The following POC1A variants were observed in gnomAD, a reference collection of about 807,000 sequenced individuals.
The protein encoded by POC1A is POC1 centriolar protein A.
In POC1A, 34 loss-of-function variants were observed where a neutral mutation model predicts 47.8. That is an observed-to-expected ratio of 0.71 (90% CI 0.54 to 0.95). The LOEUF (loss-of-function observed/expected upper bound fraction) is 0.95. Among genes scored for constraint, POC1A ranks in the 40% least tolerant of loss-of-function variants. The pLI is 0.00. For missense variants in POC1A, 466 were observed against 528.3 expected, an observed-to-expected ratio of 0.88 and a Z score of 1.16; for synonymous variants, 177 against 207.6, an observed-to-expected ratio of 0.85 and a Z score of 1.27.
intron 10 of POC1A, among the ~76,000 whole-genome samples, chr3:52,094,083 C>A (rs763522265): frequency 1.3e-5 from 2 of 152,196 alleles, no homozygotes; most frequent in Non-Finnish European, 2.9e-5. Flanking sequence ...GTAGACTTCC[C>A]TGTGGGGGAG....
At chr3:52,119,852 G>A in intron 9 of POC1A, among the ~76,000 whole-genome samples, 1 of 152,224 alleles carries the variant, frequency 6.6e-6, no homozygotes, top group Non-Finnish European at 1.5e-5. Context: ...TATCAATAGT[G>A]CTGAGGGTGA....
Position 52,147,004 on chromosome 3 carries a change from A to G in POC1A, c.547T>C (p.Tyr183His). 1 of 1,613,988 alleles carries G rather than the reference A, an allele frequency of 6.2e-7. No homozygotes were observed. The highest frequency in any genetic ancestry group is 1.1e-5 in the South Asian group (1 of 91,086). Residue 183 changes from tyrosine (Y) to histidine (H), a missense_variant, in exon 5 of 11, where the codon TAT (tyrosine) becomes CAT (histidine). Transcript: ENST00000296484. ...GGGACTCACCCGCCATGCTCACAAT[A>G]CGAGTGGACACATTCCCGGCTGCTC... ...DKSSRECVHS[Y>H]CEHGGFVTYV...
Position 52,145,840 on chromosome 3 carries a change from A to G in POC1A, c.679+6T>C, listed in dbSNP as rs1021935970. On this transcript the variant is annotated splice_donor_region_variant and intron_variant, in intron 6 of 10. Transcript: ENST00000296484. ...CCTTGGGCCCAGGAGGCTGTTCACC[A>G]CTCACACTGATAATGCTGCAGCAGC... 1 of 1,596,276 alleles carries G rather than the reference A, an allele frequency of 6.3e-7. No homozygotes were observed. The highest frequency in any genetic ancestry group is 8.6e-7 in the Non-Finnish European group (1 of 1,164,288).
rs148804382 is a variant in POC1A, at chr3:52,078,217, C to A, written c.1126-2232G>T. ...TCTCTGCCAAGGTGCCTCGTGGTGG[C>A]CACCATCAGGGAGAAAGAAGTCCAA... On this transcript the variant is annotated intron_variant, in intron 10 of 10. Transcript: ENST00000296484. 9.8e-3 allele frequency among the ~76,000 whole-genome samples: 1,490 copies of A among 152,188 alleles called. 9 individuals carry two copies. Among genetic ancestry groups the A allele is most frequent in the Middle Eastern group, 0.02 (6 of 294 alleles).
chr3:52,137,491 G>A (rs1010728892), intron 7 of POC1A, among the ~76,000 whole-genome samples: 2 of 152,188 alleles, frequency 1.3e-5, no homozygotes, highest in South Asian at 2.1e-4. Flanking sequence ...ACATTCTGAC[G>A]ACCGCTCTGA....
At chr3:52,132,403 C>T (rs1704246145) in intron 7 of POC1A, among the ~76,000 whole-genome samples, 1 of 152,156 alleles carries the variant, frequency 6.6e-6, no homozygotes, top group Admixed American at 6.5e-5. Flanking sequence ...AAGTATCATC[C>T]CCCACCAGAC....
At chr3:52,092,872 T>C (rs1702688323) in intron 10 of POC1A, among the ~76,000 whole-genome samples, 1 of 152,242 alleles carries the variant, frequency 6.6e-6, no homozygotes. Context: ...TTCCTCTTCA[T>C]CTGAAAGGCC....
chr3:52,140,166 C>G (rs543444934), intron 6 of POC1A, among the ~76,000 whole-genome samples: 2 of 152,326 alleles, frequency 1.3e-5, no homozygotes, highest in East Asian at 1.9e-4. Flanking sequence ...AGATGCCAGC[C>G]CAGCTGATGT....
Position 52,151,070 on chromosome 3 carries a change from C to T in POC1A, c.49G>A (p.Gly17Ser). Residue 17 changes from glycine (G) to serine (S), a missense_variant, in exon 2 of 11, where the codon GGC becomes AGC. Coordinates refer to ENST00000296484, the MANE Select transcript of POC1A (RefSeq NM_015426.5). ...EDPSLERHFK[G>S]HRDAVTCVDF... The stretch of plus-strand genomic sequence containing the variant: ...ACACAGGTAACTGCATCTCGGTGGC[C>T]CTTAAAATGCCTTTCCAGCGAGGGG... 6.2e-7 allele frequency: 1 copy of T among 1,613,428 alleles called. No individual in the cohort carries two copies. Among genetic ancestry groups the T allele is most frequent in the Non-Finnish European group, 8.5e-7 (1 of 1,179,714 alleles).
chr3:52,127,658 G>T (rs1453165543), intron 7 of POC1A, among the ~76,000 whole-genome samples: 1 of 151,258 alleles, frequency 6.6e-6, no homozygotes, highest in African/African-American at 2.4e-5. Flanking sequence ...CTCCCAAAGT[G>T]CTGGGATTAT....
intron 6 of POC1A, among the ~76,000 whole-genome samples, chr3:52,140,469 G>A (rs761229601): frequency 2.6e-5 from 4 of 152,184 alleles, no homozygotes; most frequent in African/African-American, 7.2e-5. Context: ...GGGAGGGCAT[G>A]CTCAGGGAGC....
At chr3:52,138,414 G>T in intron 6 of POC1A, 112 bp from the exon 7 acceptor site, 1 of 1,059,610 alleles carries the variant, frequency 9.4e-7, no homozygotes, top group Middle Eastern at 2.5e-4. Flanking sequence ...GATGGGGCTG[G>T]GTCAGGATGG....
intron 7 of POC1A, among the ~76,000 whole-genome samples, chr3:52,128,726 C>T (rs900388195): frequency 6.6e-6 from 1 of 152,220 alleles, no homozygotes; most frequent in African/African-American, 2.4e-5. Flanking sequence ...TAGTGCTCCT[C>T]AAACACCATG....
At chr3:52,103,042 A>C (rs1162909601) in intron 9 of POC1A, among the ~76,000 whole-genome samples, 2 of 152,264 alleles carry the variant, frequency 1.3e-5, no homozygotes, top group African/African-American at 4.8e-5. Flanking sequence ...GAGAATCCAG[A>C]AACTCTAGAC....
At position 52,095,306 on chromosome 3, in the gene POC1A, G is replaced by A. The variant is rs1263565932; in HGVS notation, c.1125+1263C>T. Among the ~76,000 whole-genome samples, 3 of 152,164 alleles carry A rather than the reference G, an allele frequency of 2.0e-5. No homozygotes were observed. In the East Asian group the frequency reaches 5.8e-4, roughly 29 times the overall value. On this transcript the variant is annotated intron_variant, in intron 10 of 10. Coordinates refer to ENST00000296484, the MANE Select transcript of POC1A (RefSeq NM_015426.5). ...CCACAGCCCCCAGTCATGACACCTG[G>A]CCTTTCCCTTCAAGAGTGCTTTCTT... is the stretch of plus-strand genomic sequence containing the variant.
rs774115093 is a variant in POC1A at position 52,149,376 on chromosome 3, T to C, written c.289A>G (p.Thr97Ala). The stretch of plus-strand genomic sequence containing the variant: ...GTGGCTGTGTGTGCACGAAACACAG[T>C]GGACTCACCTTTGCTACAAGGACAG... ...IWVPNVKGES[T>A]VFRAHTATVR... is the part of the protein sequence containing the mutation. Residue 97 changes from threonine to alanine, a missense_variant, in exon 4 of 11, where the codon ACT (threonine) becomes GCT (alanine). By Grantham distance (58) the Thr-to-Ala change is moderately conservative. Transcript: ENST00000296484. 6.2e-7 allele frequency: 1 copy of C among 1,613,868 alleles called. No homozygotes were observed. Among genetic ancestry groups the C allele is most frequent in the Non-Finnish European group, 8.5e-7 (1 of 1,179,946 alleles).
chr3:52,135,636 C>T (rs745982969), intron 7 of POC1A, among the ~76,000 whole-genome samples: 6 of 152,186 alleles, frequency 3.9e-5, no homozygotes, highest in Non-Finnish European at 7.3e-5. Flanking sequence ...AGACCTGGGT[C>T]CCAGGGGTGC....
intron 6 of POC1A, among the ~76,000 whole-genome samples, chr3:52,138,953 C>T (rs1211428282): frequency 6.6e-6 from 1 of 152,188 alleles, no homozygotes; most frequent in Non-Finnish European, 1.5e-5. Context: ...CCTGCCTCAG[C>T]CTCCTGAGTA....
chr3:52,106,756 C>T (rs1703199217), intron 9 of POC1A, among the ~76,000 whole-genome samples: 1 of 152,184 alleles, frequency 6.6e-6, no homozygotes, highest in Admixed American at 6.5e-5. Context: ...ATGCTGTATG[C>T]ACAAACCAAG....
Sources: gnomAD v4.1 joint callset for allele counts (sites outside exome capture counted in the v4.1 genomes callset) on GRCh38, gnomAD v4.1.1 for gene constraint, MANE v1.5 for transcripts, NCBI Gene and HGNC (gene_info 2026-07-23, HGNC 2026-07-21) for gene names.